SLC35F1: variants seen among roughly 807,000 people sequenced by gnomAD.
SLC35F1 encodes solute carrier family 35 member F1.
Under a neutral mutation model 48.7 loss-of-function variants are expected in SLC35F1, and 14 were observed. The ratio of observed to expected loss-of-function variants is 0.29; its 90% confidence interval spans 0.19 to 0.45. The LOEUF (loss-of-function observed/expected upper bound fraction) is 0.45. Ranked by LOEUF, SLC35F1 falls within the 20% of genes least tolerant of loss-of-function variation. SLC35F1 has a pLI of 1.00. For synonymous variants in SLC35F1, 190 were observed against 202.2 expected (o/e 0.94, Z 0.51); for missense variants, 404 against 500.0 (o/e 0.81, Z 1.83).
At chr6:118,113,776 TC>T (rs1582672856) in intron 1 of SLC35F1, among the ~76,000 whole-genome samples, 1 of 152,182 alleles carries the variant, frequency 6.6e-6, no homozygotes, top group African/African-American at 2.4e-5. Context: ...CTGACATTTC[TC>T]CCCAGCTTCT....
At chr6:118,211,617 A>G (rs1465360973) in intron 2 of SLC35F1, among the ~76,000 whole-genome samples, 1 of 152,258 alleles carries the variant, frequency 6.6e-6, no homozygotes, top group Non-Finnish European at 1.5e-5. Flanking sequence ...ACATATGGAC[A>G]TACCCTTGAG....
chr6:118,156,881 GA>G (rs952467938), intron 2 of SLC35F1, among the ~76,000 whole-genome samples: 22 of 149,880 alleles, frequency 1.5e-4, no homozygotes, highest in Non-Finnish European at 3.1e-4. Context: ...CTTGAATCAG[GA>G]AAAAAAAAGT....
chr6:117,979,508 T>C (rs1183763147), intron 1 of SLC35F1, among the ~76,000 whole-genome samples: 1 of 152,230 alleles, frequency 6.6e-6, no homozygotes, highest in Non-Finnish European at 1.5e-5. Flanking sequence ...CTAACCTGCA[T>C]CTAGAAAATA....
At chr6:118,284,209 A>G (rs1479061666) in intron 6 of SLC35F1, among the ~76,000 whole-genome samples, 4 of 152,234 alleles carry the variant, frequency 2.6e-5, no homozygotes. Context: ...AAATCTGCCC[A>G]CAGCCCACAC....
At chr6:118,167,740 C>T (rs111964039) in intron 2 of SLC35F1, among the ~76,000 whole-genome samples, 11 of 152,224 alleles carry the variant, frequency 7.2e-5, no homozygotes, top group African/African-American at 2.4e-4. Context: ...TGCACTTAGA[C>T]TACACTAAAC....
intron 1 of SLC35F1, among the ~76,000 whole-genome samples, chr6:118,106,316 C>G (rs1298628974): frequency 6.6e-6 from 1 of 152,160 alleles, no homozygotes; most frequent in Non-Finnish European, 1.5e-5. Flanking sequence ...ACAAGAACTC[C>G]TCAACTGCAA....
At chr6:118,222,040 C>T (rs1775158609) in intron 2 of SLC35F1, among the ~76,000 whole-genome samples, 2 of 151,938 alleles carry the variant, frequency 1.3e-5, no homozygotes, top group Non-Finnish European at 2.9e-5. Context: ...TTCTTAAGTT[C>T]TTTTAACCTA....
chr6:118,277,688 C>A, intron 6 of SLC35F1, 142 bp downstream of exon 6: 1 of 734,394 alleles, frequency 1.4e-6, no homozygotes, highest in Non-Finnish European at 2.4e-6. Flanking sequence ...TTTGTCATTT[C>A]AGGAAATCCT....
At chr6:118,047,615 T>G (rs1478580589) in intron 1 of SLC35F1, among the ~76,000 whole-genome samples, 1 of 152,196 alleles carries the variant, frequency 6.6e-6, no homozygotes, top group East Asian at 1.9e-4. Flanking sequence ...CACATGTTGA[T>G]TTCCACTCTA....
intron 1 of SLC35F1, among the ~76,000 whole-genome samples, chr6:117,967,579 G>A (rs1193475737): frequency 6.6e-6 from 1 of 152,186 alleles, no homozygotes; most frequent in Non-Finnish European, 1.5e-5. Context: ...TCGACACATT[G>A]TGACCCTGTT....
At chr6:118,222,186 C>A (rs529388818) in intron 2 of SLC35F1, among the ~76,000 whole-genome samples, 1 of 152,084 alleles carries the variant, frequency 6.6e-6, no homozygotes, top group Non-Finnish European at 1.5e-5. Context: ...CTGGGGTGGG[C>A]CTGAGATTCT....
intron 3 of SLC35F1, among the ~76,000 whole-genome samples, chr6:118,250,016 G>C (rs1284133420): frequency 6.6e-6 from 1 of 152,206 alleles, no homozygotes; most frequent in Non-Finnish European, 1.5e-5. Flanking sequence ...TGACAGTGGA[G>C]CTCCCCAAGT....
chr6:117,951,059 C>G (rs1164685739), intron 1 of SLC35F1, among the ~76,000 whole-genome samples: 1 of 152,140 alleles, frequency 6.6e-6, no homozygotes, highest in Non-Finnish European at 1.5e-5. Flanking sequence ...TATTCTTAGG[C>G]TCGAATGGGA....
chr6:118,298,542 A>G (rs1355354436), intron 7 of SLC35F1, among the ~76,000 whole-genome samples: 1 of 152,106 alleles, frequency 6.6e-6, no homozygotes. Context: ...GGCAGTACAT[A>G]ATGGTTTCTA....
intron 2 of SLC35F1, among the ~76,000 whole-genome samples, chr6:118,234,636 T>C (rs6905294): frequency 0.025 from 3,780 of 152,298 alleles, 147 homozygotes; most frequent in African/African-American, 0.086. Flanking sequence ...CAGTATTTCT[T>C]GTTTTAAACA....
intron 1 of SLC35F1, among the ~76,000 whole-genome samples, chr6:117,999,706 A>G (rs1206890131): frequency 5.5e-4 from 83 of 152,282 alleles, no homozygotes; most frequent in Middle Eastern, 3.4e-3. Flanking sequence ...CACTAGCAAG[A>G]CTAATAAAGA....
At chr6:118,254,473 G>C (rs746121104) in intron 3 of SLC35F1, among the ~76,000 whole-genome samples, 1 of 151,906 alleles carries the variant, frequency 6.6e-6, no homozygotes, top group Non-Finnish European at 1.5e-5. Flanking sequence ...GTAAAGATGG[G>C]GTCTCACTTT....
intron 1 of SLC35F1, among the ~76,000 whole-genome samples, chr6:118,033,983 G>T (rs1370309296): frequency 6.6e-6 from 1 of 152,152 alleles, no homozygotes; most frequent in Admixed American, 6.5e-5. Flanking sequence ...GTTAACAGGA[G>T]GCAGCAGCTA....
At chr6:118,177,426 C>G (rs1354348397) in intron 2 of SLC35F1, among the ~76,000 whole-genome samples, 1 of 152,018 alleles carries the variant, frequency 6.6e-6, no homozygotes, top group African/African-American at 2.4e-5. Flanking sequence ...GGAGATAATC[C>G]CTCCCACATA....
Sources: allele counts gnomAD v4.1 joint callset (sites outside exome capture counted in the v4.1 genomes callset), GRCh38; gene constraint gnomAD v4.1.1; transcripts MANE v1.5; gene names NCBI Gene and HGNC (gene_info 2026-07-23, HGNC 2026-07-21).